TBC1D19: variants seen among roughly 807,000 people sequenced by gnomAD.
The protein encoded by TBC1D19 is TBC1 domain family member 19.
A neutral mutation model predicts 89.0 loss-of-function variants in TBC1D19; 60 were observed. That is an observed-to-expected ratio of 0.67 (90% CI 0.55 to 0.84). TBC1D19 has a LOEUF of 0.84. Among genes scored for constraint, TBC1D19 ranks in the 40% least tolerant of loss-of-function variants. The probability of loss-of-function intolerance (pLI) is 0.00; values close to 1 mark genes in which losing one functional copy is unlikely to be tolerated. For missense variants in TBC1D19, 500 were observed against 610.8 expected (o/e 0.82, Z 1.91); for synonymous variants, 189 against 199.7 (o/e 0.95, Z 0.45).
chr4:26,731,918 A>G (rs1717685359), intron 15 of TBC1D19, among the ~76,000 whole-genome samples: 1 of 152,176 alleles, frequency 6.6e-6, no homozygotes, highest in African/African-American at 2.4e-5. Flanking sequence ...AAGGAAGTCA[A>G]TACAGTTTAA....
chr4:26,817,977 A>ATAT, the TBC1D19 span, among the ~76,000 whole-genome samples: 17 of 105,506 alleles, frequency 1.6e-4, no homozygotes, highest in African/African-American at 7.6e-4. Context: ...TTAAAAAAAA[A>ATAT]AAAAATATAT....
the TBC1D19 span, among the ~76,000 whole-genome samples, chr4:26,811,528 G>A: frequency 2.0e-5 from 3 of 152,174 alleles, no homozygotes; most frequent in Admixed American, 1.3e-4. Context: ...ACCAGAAATC[G>A]GTCCCGATCC....
At chr4:26,655,831 A>G (rs1744761963) in intron 7 of TBC1D19, among the ~76,000 whole-genome samples, 2 of 152,312 alleles carry the variant, frequency 1.3e-5, no homozygotes, top group South Asian at 2.1e-4. Context: ...GCGTGAGGCA[A>G]TGCCTCGCCC....
intron 9 of TBC1D19, among the ~76,000 whole-genome samples, chr4:26,670,428 A>C (rs1230781503): frequency 2.0e-5 from 3 of 151,726 alleles, no homozygotes; most frequent in Non-Finnish European, 4.4e-5. Flanking sequence ...TCTAATACTG[A>C]AAATGTACCA....
intron 1 of TBC1D19, among the ~76,000 whole-genome samples, chr4:26,593,742 C>A (rs1474451290): frequency 6.6e-6 from 1 of 152,198 alleles, no homozygotes; most frequent in Non-Finnish European, 1.5e-5. Context: ...TGAAATAATG[C>A]TCATCATCAC....
At chr4:26,611,437 A>G (rs1741374710) in intron 1 of TBC1D19, among the ~76,000 whole-genome samples, 1 of 151,908 alleles carries the variant, frequency 6.6e-6, no homozygotes, top group African/African-American at 2.4e-5. Context: ...CTCATGGTAT[A>G]GCTCAACATG....
intron 7 of TBC1D19, among the ~76,000 whole-genome samples, chr4:26,654,727 C>G (rs927979557): frequency 6.6e-6 from 1 of 152,224 alleles, no homozygotes; most frequent in African/African-American, 2.4e-5. Context: ...TCAGCTCCAT[C>G]AGGTCCTTTA....
the TBC1D19 span, among the ~76,000 whole-genome samples, chr4:26,820,369 G>A: frequency 1.3e-5 from 2 of 152,018 alleles, no homozygotes; most frequent in Admixed American, 1.3e-4. Flanking sequence ...CTGGACCCTA[G>A]CTTTTGGCAT....
In TBC1D19 at chr4:26,614,353, A is replaced by T. The variant is rs986296899; in HGVS notation, c.173-55A>T. 23 of 1,215,426 alleles carry T rather than the reference A, an allele frequency of 1.9e-5. No homozygotes were observed. In the African/African-American group the frequency reaches 3.2e-4, roughly 17 times the overall value. 75.3% of individuals were successfully genotyped at this position (1,215,426 alleles called of 1,614,324 possible). A position where few individuals can be genotyped will look rare whatever the true frequency, so the allele number is the denominator to read the frequency against. ...ATTGAGATAAATTTAATTGTAATGT[A>T]TGTTTACTTAAAAACTAGTATGTTC... is the stretch of plus-strand genomic sequence containing the variant. On this transcript the variant is annotated intron_variant, in intron 2 of 20. Coordinates refer to ENST00000264866, the MANE Select transcript of TBC1D19 (RefSeq NM_018317.4).
At chr4:26,669,673 C>G (rs1712116308) in intron 9 of TBC1D19, among the ~76,000 whole-genome samples, 1 of 151,748 alleles carries the variant, frequency 6.6e-6, no homozygotes, top group African/African-American at 2.4e-5. Flanking sequence ...TAATAAAGCA[C>G]TGTTATCATA....
chr4:26,682,797 C>G (rs2109140259), intron 11 of TBC1D19, among the ~76,000 whole-genome samples: 1 of 152,076 alleles, frequency 6.6e-6, no homozygotes, highest in African/African-American at 2.4e-5. Context: ...GTCTCTAGTC[C>G]CTCCTCCCCC....
chr4:26,817,979 A>ATATATATATATATATATATATATAT, the TBC1D19 span, among the ~76,000 whole-genome samples: 1 of 107,360 alleles, frequency 9.3e-6, no homozygotes, highest in African/African-American at 4.6e-5. Context: ...AAAAAAAAAA[A>ATATATATATATATATATATATATAT]AAATATATAT....
intron 15 of TBC1D19, among the ~76,000 whole-genome samples, chr4:26,731,744 G>A (rs982477910): frequency 1.6e-4 from 25 of 152,132 alleles, no homozygotes; most frequent in African/African-American, 3.6e-4. Flanking sequence ...CAAGAAGCCC[G>A]ATCTGCGTCG....
In TBC1D19 at chr4:26,755,406, G is replaced by A. The variant is rs1326734279; in HGVS notation, c.*459G>A. On this transcript the variant is annotated 3_prime_UTR_variant, in exon 21 of 21. Coordinates refer to ENST00000264866, the MANE Select transcript of TBC1D19 (RefSeq NM_018317.4). ...CTAAGAGCCAGGGGTGGGGTAGGGT[G>A]TGAGAACACTTGAAAAAGATAATGT... The A allele has an allele frequency of 6.6e-6, 1 of 152,252 alleles. No homozygotes were observed. The highest frequency in any genetic ancestry group is 1.9e-4 in the East Asian group (1 of 5,196). The allele number at this position is 152,252 out of a possible 1,614,324, so 9.4% of individuals were successfully genotyped here. A position where few individuals can be genotyped will look rare whatever the true frequency, so the allele number is the denominator to read the frequency against.
the TBC1D19 span, among the ~76,000 whole-genome samples, chr4:26,781,936 TAA>T: frequency 2.5e-3 from 380 of 152,238 alleles, 9 homozygotes; most frequent in East Asian, 0.052. Flanking sequence ...TATCTGCTTA[TAA>T]AAAAAATATA....
the TBC1D19 span, among the ~76,000 whole-genome samples, chr4:26,768,155 A>G: frequency 6.6e-6 from 1 of 152,152 alleles, no homozygotes; most frequent in Non-Finnish European, 1.5e-5. Flanking sequence ...AAAAAGAATT[A>G]CTCAGAAGGA....
At chr4:26,659,395 C>T (rs1387363300) in intron 7 of TBC1D19, among the ~76,000 whole-genome samples, 1 of 151,768 alleles carries the variant, frequency 6.6e-6, no homozygotes, top group African/African-American at 2.4e-5. Flanking sequence ...AATATAAAAC[C>T]ATCCTAATTA....
chr4:26,858,521 G>C, the TBC1D19 span: 1 of 152,286 alleles, frequency 6.6e-6, no homozygotes, highest in Admixed American at 6.5e-5. Context: ...TTGGAGTCTT[G>C]TGTTTATGTT....
chr4:26,637,346 T>C, intron 5 of TBC1D19, 61 bp downstream of exon 5: 1 of 1,265,760 alleles, frequency 7.9e-7, no homozygotes, highest in South Asian at 1.3e-5. Context: ...GAAAGTATCA[T>C]GAAGTTATAT....
Sources: allele counts gnomAD v4.1 joint callset (sites outside exome capture counted in the v4.1 genomes callset), GRCh38; gene constraint gnomAD v4.1.1; transcripts MANE v1.5; gene names NCBI Gene and HGNC (gene_info 2026-07-23, HGNC 2026-07-21).